Variants in RYR1 observed in about 807,000 individuals in gnomAD.
RYR1 encodes ryanodine receptor 1.
A neutral mutation model predicts 583.5 loss-of-function variants in RYR1; 342 were observed. The observed-to-expected ratio is 0.59, with a 90% confidence interval of 0.54 to 0.64. The LOEUF (loss-of-function observed/expected upper bound fraction) is 0.64. Among genes scored for constraint, RYR1 ranks in the 30% least tolerant of loss-of-function variants. The pLI is 0.00. For missense variants in RYR1, 6,032 were observed against 6,917.2 expected (o/e 0.87, Z 4.54); for synonymous variants, 2,791 against 2,822.5 (o/e 0.99, Z 0.35).
chr19:38,491,821 C>T (rs768870431), intron 37 of RYR1, among the ~76,000 whole-genome samples: 1 of 152,118 alleles, frequency 6.6e-6, no homozygotes, highest in Non-Finnish European at 1.5e-5. Context: ...CCTATCAGCT[C>T]AAATATGCTG....
At chr19:38,508,718 A>AG (rs1486623242) in intron 58 of RYR1, among the ~76,000 whole-genome samples, 1 of 152,094 alleles carries the variant, frequency 6.6e-6, no homozygotes, top group Non-Finnish European at 1.5e-5. Context: ...AGAGTCATCG[A>AG]GGGGGACGGT....
intron 97 of RYR1, among the ~76,000 whole-genome samples, chr19:38,576,682 C>T (rs529069575): frequency 2.0e-5 from 3 of 152,022 alleles, no homozygotes; most frequent in Admixed American, 1.3e-4. Flanking sequence ...CACCTGTAAT[C>T]CCAGCTACTT....
At chr19:38,454,242 G>T (rs1967244905) in intron 13 of RYR1, among the ~76,000 whole-genome samples, 1 of 152,172 alleles carries the variant, frequency 6.6e-6, no homozygotes, top group Admixed American at 6.6e-5. Flanking sequence ...GTTTCGCCAT[G>T]TTGGCCAGGC....
intron 89 of RYR1, among the ~76,000 whole-genome samples, chr19:38,560,729 CA>C (rs765130460): frequency 0.018 from 702 of 38,060 alleles, 1 homozygote; most frequent in African/African-American, 0.046. Context: ...AACTCCGTCT[CA>C]AAAAAAAAAA....
chr19:38,536,141 C>T, intron 82 of RYR1, 71 bp downstream of exon 82: 7 of 1,342,156 alleles, frequency 5.2e-6, no homozygotes, highest in Non-Finnish European at 6.2e-6. Flanking sequence ...CCCACCCCCA[C>T]CCGCCATTGC....
At position 38,433,732 on chromosome 19, in the gene RYR1, G is replaced by A; in HGVS notation, c.-98G>A. The stretch of plus-strand genomic sequence containing the variant: ...CGCGGGTGCCTCTGGTGTCTCCAGA[G>A]GTCTCCGACCCCAGCCCGCCCCCAG... On this transcript the variant is annotated 5_prime_UTR_variant, in exon 1 of 106. Coordinates refer to ENST00000359596, the MANE Select transcript of RYR1 (RefSeq NM_000540.3). 1.2e-6 allele frequency: 1 copy of A among 823,440 alleles called. No individual in the cohort carries two copies. Among genetic ancestry groups the A allele is most frequent in the Admixed American group, 2.0e-5 (1 of 51,260 alleles). The allele number at this position is 823,440 out of a possible 1,614,324, so 51.0% of individuals were successfully genotyped here.
chr19:38,575,039 C>CAAA (rs35261562), intron 96 of RYR1, among the ~76,000 whole-genome samples: 2 of 90,420 alleles, frequency 2.2e-5, no homozygotes, highest in Non-Finnish European at 5.1e-5. Context: ...GACTCCGTCT[C>CAAA]AAAAAAAAAA....
rs747769229 is a variant in RYR1 at position 38,446,734 on chromosome 19, C to T, written c.766C>T (p.Arg256Cys). 29 of 1,613,844 alleles carry T rather than the reference C, an allele frequency of 1.8e-5. No homozygotes were observed. The highest frequency in any genetic ancestry group is 8.0e-5 in the African/African-American group (6 of 75,000). The change falls in exon 9 of 106, where the codon CGC (arginine) becomes TGC (cysteine). Residue 256 changes from arginine to cysteine, a missense_variant. Transcript: ENST00000359596. ...GGGGGGAGCTGTGTGCACTCATGCC[C>T]GCTCCCTCTGGAGGCTGGAGCCACT... ...YEGGAVCTHA[R>C]SLWRLEPLRI...
intron 96 of RYR1, among the ~76,000 whole-genome samples, chr19:38,573,607 G>A (rs1973825295): frequency 6.6e-6 from 1 of 151,636 alleles, no homozygotes; most frequent in Non-Finnish European, 1.5e-5. Context: ...TTGAACCTGG[G>A]ATGTGGAGGA....
intron 20 of RYR1, among the ~76,000 whole-genome samples, chr19:38,461,520 G>A (rs1436761027): frequency 2.0e-5 from 3 of 151,880 alleles, no homozygotes; most frequent in African/African-American, 4.8e-5. Flanking sequence ...TTGAGTCCAC[G>A]AGTTTGAGAC....
Position 38,490,145 on chromosome 19 carries a change from G to A in RYR1, c.5884G>A (p.Ala1962Thr). The A allele has an allele frequency of 6.2e-7, 1 of 1,614,244 alleles. No homozygotes were observed. Among genetic ancestry groups the A allele is most frequent in the South Asian group, 1.1e-5 (1 of 91,092 alleles). ...QHRVESLAAF[A>T]ERYVDKLQAN... ...CCGTGTGGAGTCCCTGGCAGCCTTT[G>A]CGGAGCGCTATGTGGACAAGCTCCA... The change falls in exon 36 of 106, where the codon GCG (alanine) becomes ACG (threonine). Residue 1962 changes from alanine to threonine, a missense_variant. Physicochemically the swap from Ala to Thr is moderately conservative, Grantham distance 58. Around this residue, in one of 11 missense-constraint regions of RYR1, gnomAD observed 2,627 missense variants for 2,961.3 expected, o/e 0.89. Coordinates refer to ENST00000359596, the MANE Select transcript of RYR1 (RefSeq NM_000540.3).
chr19:38,529,135 T>A, intron 76 of RYR1, 78 bp downstream of exon 76: 1 of 1,431,108 alleles, frequency 7.0e-7, no homozygotes, highest in Non-Finnish European at 9.8e-7. Context: ...TCCCTGTGCC[T>A]CAGGAGAGGC....
At chr19:38,564,869 C>T (rs1973315295) in intron 90 of RYR1, 90 bp from the exon 91 acceptor site, 3 of 1,526,504 alleles carry the variant, frequency 2.0e-6, no homozygotes, top group Non-Finnish European at 2.6e-6. Flanking sequence ...GCGCCTGCCG[C>T]GGTGACCCCT....
chr19:38,526,538 C>T (rs747054272), intron 71 of RYR1, among the ~76,000 whole-genome samples: 8 of 152,096 alleles, frequency 5.3e-5, no homozygotes, highest in Admixed American at 1.3e-4. Context: ...GAGGGCTCCC[C>T]GTCCTAGAAC....
rs971542164 is a variant in RYR1, at chr19:38,437,349, C to G, written c.46-3396C>G. 3.9e-5 allele frequency among the ~76,000 whole-genome samples: 6 copies of G among 152,126 alleles called. No individual in the cohort carries two copies. The East Asian group carries it at 7.7e-4, about 20-fold the overall frequency. Reference sequence around the variant, plus strand: ...TACAGGAATGAGCCACCTCGCCCAGCCTGCCTTCATTCTAATTCAGGAAAA... The same window carrying G: ...TACAGGAATGAGCCACCTCGCCCAGGCTGCCTTCATTCTAATTCAGGAAAA... On this transcript the variant is annotated intron_variant, in intron 1 of 105. Transcript: ENST00000359596.
chr19:38,466,326 G>T lies in RYR1; in HGVS notation c.3106G>T (p.Asp1036Tyr). The T allele has an allele frequency of 6.2e-7, 1 of 1,605,272 alleles. No individual in the cohort carries two copies. ...TGAAGCCACCAAGCGCAGCAACCGG[G>T]ACAGCCTCTGCCAGGCCGTGCGCAC... ...LDEATKRSNR[D>Y]SLCQAVRTLL... The change falls in exon 24 of 106, where the codon GAC becomes TAC. Residue 1036 changes from aspartate (D) to tyrosine (Y), a missense_variant. Coordinates refer to ENST00000359596, the MANE Select transcript of RYR1 (RefSeq NM_000540.3).
chr19:38,518,403 A>T (rs373643152), intron 66 of RYR1, among the ~76,000 whole-genome samples: 6,151 of 91,120 alleles, frequency 0.068, 161 homozygotes, highest in Admixed American at 0.07. Context: ...CTATTATTTA[A>T]AAAAAAAAAA....
Position 38,512,193 on chromosome 19 carries a change from G to A in RYR1, c.9234-52G>A. 6.2e-7 allele frequency: 1 copy of A among 1,613,942 alleles called. No individual in the cohort carries two copies. Among genetic ancestry groups the A allele is most frequent in the South Asian group, 1.1e-5 (1 of 91,084 alleles). On this transcript the variant is annotated intron_variant, in intron 62 of 105. Transcript: ENST00000359596. This position sits in a 1 kb window ranked among gnomAD's most constrained non-coding sequence, Gnocchi z 5.1. ...CATCGGGCCCCCACCCCAACCCCTG[G>A]TCTCCTAGACTCTCCGATTCCAGAG...
At chr19:38,446,431 C>T in intron 7 of RYR1, 41 bp from the exon 8 acceptor site, 1 of 1,471,876 alleles carries the variant, frequency 6.8e-7, no homozygotes, top group Non-Finnish European at 9.5e-7. Flanking sequence ...CTTCCTGGGG[C>T]TCCAGCCTCC....
Sources: allele counts gnomAD v4.1 joint callset (sites outside exome capture counted in the v4.1 genomes callset), GRCh38; gene constraint gnomAD v4.1.1; regional missense constraint gnomAD v4.1.1; non-coding constraint Gnocchi (gnomAD v3.1); transcripts MANE v1.5; gene names NCBI Gene and HGNC (gene_info 2026-07-23, HGNC 2026-07-21).